SDC2: variants seen among roughly 807,000 people sequenced by gnomAD.
The protein encoded by SDC2 is syndecan-2.
SDC2 carries 13 observed loss-of-function variants against 22.2 expected under a neutral mutation model. That is an observed-to-expected ratio of 0.59 (90% CI 0.38 to 0.93). SDC2 has a LOEUF of 0.93. SDC2 is among the 40% of genes least tolerant of loss of function. The pLI is 0.00. For missense variants in SDC2, 235 were observed against 246.8 expected (o/e 0.95, Z 0.32); for synonymous variants, 94 against 92.8 (o/e 1.01, Z -0.07).
At chr8:96,593,639 C>A (rs3886892) in intron 2 of SDC2, 48 bp downstream of exon 2, 1 of 1,181,868 alleles carries the variant, frequency 8.5e-7, no homozygotes, top group Non-Finnish European at 1.3e-6. Flanking sequence ...CAGGCATGCA[C>A]GCACACACAT....
chr8:96,574,599 G>A (rs984142484), intron 1 of SDC2, among the ~76,000 whole-genome samples: 1 of 152,120 alleles, frequency 6.6e-6, no homozygotes, highest in Non-Finnish European at 1.5e-5. Flanking sequence ...TAACAGCCAG[G>A]CCTGCTATCT....
At chr8:96,547,166 A>G (rs1813947997) in intron 1 of SDC2, among the ~76,000 whole-genome samples, 1 of 152,230 alleles carries the variant, frequency 6.6e-6, no homozygotes, top group South Asian at 2.1e-4. Flanking sequence ...CAGCTGAGGG[A>G]AAAAGATGCA....
At position 96,538,019 on chromosome 8, in the gene SDC2, GTAGTGCAA is replaced by G. The variant is rs377732846; in HGVS notation, c.60+43690_60+43697del. The stretch of plus-strand genomic sequence containing the variant: ...CGCTCTGTCGCCAGGCTGGAGTGCA[GTAGTGCAA>G]TCTCGGCTCACTGCAACCTCCACAT... On this transcript the variant is annotated intron_variant, in intron 1 of 4. Coordinates refer to ENST00000302190, the MANE Select transcript of SDC2 (RefSeq NM_002998.4). Among the ~76,000 whole-genome samples the G allele has an allele frequency of 2.2e-3, 342 of 152,308 alleles. 1 individual carries two copies. The highest frequency in any genetic ancestry group is 8.0e-3 in the African/African-American group (332 of 41,558).
chr8:96,514,235 G>A (rs1324066532), intron 1 of SDC2, among the ~76,000 whole-genome samples: 1 of 152,152 alleles, frequency 6.6e-6, no homozygotes, highest in Non-Finnish European at 1.5e-5. Context: ...TGGCACACTT[G>A]ACTATCTGGT....
intron 1 of SDC2, among the ~76,000 whole-genome samples, chr8:96,544,446 T>C (rs1268307730): frequency 6.6e-6 from 1 of 152,186 alleles, no homozygotes; most frequent in Non-Finnish European, 1.5e-5. Context: ...AAAAGACTTA[T>C]GCTCATCCTT....
chr8:96,562,546 A>G (rs1157060543), intron 1 of SDC2, among the ~76,000 whole-genome samples: 1 of 152,160 alleles, frequency 6.6e-6, no homozygotes, highest in Non-Finnish European at 1.5e-5. Context: ...GAAGCTCTGC[A>G]TTGGTGGATT....
At chr8:96,598,503 A>G (rs1249702445) in intron 2 of SDC2, among the ~76,000 whole-genome samples, 2 of 151,874 alleles carry the variant, frequency 1.3e-5, no homozygotes, top group Non-Finnish European at 2.9e-5. Context: ...CTGTAATCCC[A>G]GCTACTTGGG....
chr8:96,579,220 AT>A (rs1563668841), intron 1 of SDC2, among the ~76,000 whole-genome samples: 1 of 152,070 alleles, frequency 6.6e-6, no homozygotes, highest in East Asian at 1.9e-4. Flanking sequence ...TAAAGTCTTA[AT>A]TTTTTTTCTT....
intron 1 of SDC2, among the ~76,000 whole-genome samples, chr8:96,512,805 ATAAGAG>A (rs946548011): frequency 9.2e-5 from 14 of 152,240 alleles, no homozygotes; most frequent in African/African-American, 3.1e-4. Context: ...TGGTTGGTAA[ATAAGAG>A]TAAAAGAAAA....
chr8:96,584,093 T>A (rs1055201969), intron 1 of SDC2, among the ~76,000 whole-genome samples: 3 of 152,198 alleles, frequency 2.0e-5, no homozygotes, highest in African/African-American at 7.2e-5. Context: ...TTAGTTGGCA[T>A]CTTTTAAATA....
intron 1 of SDC2, among the ~76,000 whole-genome samples, chr8:96,547,859 T>C (rs1285826380): frequency 6.6e-6 from 1 of 151,948 alleles, no homozygotes; most frequent in East Asian, 1.9e-4. Context: ...CTCCTGCTGC[T>C]CAAGTGATCC....
intron 1 of SDC2, among the ~76,000 whole-genome samples, chr8:96,514,467 C>CAG (rs1278591854): frequency 6.6e-6 from 1 of 152,146 alleles, no homozygotes; most frequent in Non-Finnish European, 1.5e-5. Flanking sequence ...TTCGGCTGGA[C>CAG]AGGGACACTC....
At chr8:96,511,789 ATT>A (rs548532271) in intron 1 of SDC2, among the ~76,000 whole-genome samples, 7,913 of 138,826 alleles carry the variant, frequency 0.057, 685 homozygotes, top group African/African-American at 0.19. Flanking sequence ...GGCTTATGTG[ATT>A]TTTTTTTTTT....
At chr8:96,599,117 A>G (rs1003202082) in intron 2 of SDC2, among the ~76,000 whole-genome samples, 1 of 151,486 alleles carries the variant, frequency 6.6e-6, no homozygotes, top group Non-Finnish European at 1.5e-5. Flanking sequence ...AATTCTTTTT[A>G]TTTTTAGTAG....
At chr8:96,602,063 T>C (rs1035608762) in intron 2 of SDC2, among the ~76,000 whole-genome samples, 5 of 152,138 alleles carry the variant, frequency 3.3e-5, no homozygotes, top group Admixed American at 2.6e-4. Context: ...TGGACTGTTG[T>C]GTTCTTAAAA....
intron 1 of SDC2, among the ~76,000 whole-genome samples, chr8:96,571,854 A>G (rs1373092226): frequency 6.6e-6 from 1 of 152,184 alleles, no homozygotes; most frequent in Non-Finnish European, 1.5e-5. Flanking sequence ...AGGGAGCAAT[A>G]ATAGTATCAT....
chr8:96,608,546 C>T, intron 4 of SDC2, 76 bp downstream of exon 4: 3 of 1,311,158 alleles, frequency 2.3e-6, no homozygotes, highest in South Asian at 1.6e-5. Context: ...TTCAAAAGTG[C>T]AGCAAAGCTT....
Position 96,508,479 on chromosome 8 carries a change from C to CTTGAG in SDC2, c.60+14148_60+14149insTTGAG, listed in dbSNP as rs1563641992. Among the ~76,000 whole-genome samples the CTTGAG allele has an allele frequency of 1.8e-3, 250 of 141,558 alleles. 4 individuals are homozygous for CTTGAG. Among genetic ancestry groups the CTTGAG allele is most frequent in the Middle Eastern group, 7.4e-3 (2 of 272 alleles). The allele number at this position is 141,558 out of a possible 152,430, so 92.9% of individuals were successfully genotyped here. On this transcript the variant is annotated intron_variant, in intron 1 of 4. Coordinates refer to ENST00000302190, the MANE Select transcript of SDC2 (RefSeq NM_002998.4). ...CTGCACTCCAGCCTGGGTGACAGAG[C>CTTGAG]AAGACTCCATCTCAAAAAAAAGAAA... is the stretch of plus-strand genomic sequence containing the variant.
intron 1 of SDC2, among the ~76,000 whole-genome samples, chr8:96,575,741 C>T (rs1164905834): frequency 6.6e-6 from 1 of 152,128 alleles, no homozygotes; most frequent in Non-Finnish European, 1.5e-5. Context: ...CATTCACAGC[C>T]TGAAATGTTT....
Sources: allele counts gnomAD v4.1 joint callset (sites outside exome capture counted in the v4.1 genomes callset), GRCh38; gene constraint gnomAD v4.1.1; transcripts MANE v1.5; gene names NCBI Gene and HGNC (gene_info 2026-07-23, HGNC 2026-07-21).